PPP6R3: variants seen among roughly 807,000 people sequenced by gnomAD.
PPP6R3 encodes serine/threonine-protein phosphatase 6 regulatory subunit 3.
PPP6R3 carries 38 observed loss-of-function variants against 110.7 expected under a neutral mutation model. The observed-to-expected ratio is 0.34, with a 90% confidence interval of 0.26 to 0.45. The LOEUF (loss-of-function observed/expected upper bound fraction) is 0.45. Among genes scored for constraint, PPP6R3 ranks in the 20% least tolerant of loss-of-function variants. PPP6R3 has a pLI of 1.00. For synonymous variants in PPP6R3, 369 were observed against 373.5 expected (o/e 0.99, Z 0.14); for missense variants, 870 against 1,062.4 (o/e 0.82, Z 2.52).
At chr11:68,476,676 A>G (rs2098835240) in intron 1 of PPP6R3, among the ~76,000 whole-genome samples, 2 of 152,108 alleles carry the variant, frequency 1.3e-5, no homozygotes, top group African/African-American at 4.8e-5. Flanking sequence ...TTATGATTTC[A>G]AATCTTGGCA....
chr11:68,488,397 C>T (rs1162197727), intron 1 of PPP6R3, among the ~76,000 whole-genome samples: 2 of 152,158 alleles, frequency 1.3e-5, no homozygotes, highest in African/African-American at 4.8e-5. Flanking sequence ...TGGTCTTGAG[C>T]TCCTGGGCTC....
Position 68,603,473 on chromosome 11 carries a change from G to A in PPP6R3, c.2431G>A (p.Glu811Lys), listed in dbSNP as rs929115292. ...TLSLTVDAKTETAVFKSEEGK... is the reference protein window; with the variant it reads ...TLSLTVDAKTKTAVFKSEEGK... ...CAGCCTCACTGTAGATGCCAAGACA[G>A]AGACTGCGGTCTTCAAAAGGTAACC... is the stretch of plus-strand genomic sequence containing the variant. The change falls in exon 22 of 24, where the codon GAG (glutamate) becomes AAG (lysine). Residue 811 changes from glutamate (E) to lysine (K), a missense_variant. Physicochemically the swap from Glu to Lys is moderately conservative, Grantham distance 56. Transcript: ENST00000393800. The A allele has an allele frequency of 3.0e-5, 48 of 1,614,074 alleles. No individual in the cohort carries two copies. Among genetic ancestry groups the A allele is most frequent in the Non-Finnish European group, 3.9e-5 (46 of 1,180,016 alleles).
Position 68,614,898 on chromosome 11 carries a change from T to C in PPP6R3, c.*1781T>C, listed in dbSNP as rs1427822980. ...GTAGATAATATGCTCTGGTCTCGCC[T>C]GGTGGTGAGTTTTGCCAGCCATGGC... On this transcript the variant is annotated 3_prime_UTR_variant, in exon 24 of 24. Transcript: ENST00000393800. The C allele has an allele frequency of 3.7e-6, 3 of 821,014 alleles. No individual in the cohort carries two copies. The South Asian group carries it at 4.3e-5, about 12-fold the overall frequency. The allele number at this position is 821,014 out of a possible 1,614,324, so 50.9% of individuals were successfully genotyped here. A position where few individuals can be genotyped will look rare whatever the true frequency, so the allele number is the denominator to read the frequency against.
intron 2 of PPP6R3, among the ~76,000 whole-genome samples, chr11:68,533,376 T>C (rs1300462492): frequency 2.0e-5 from 3 of 152,208 alleles, no homozygotes; most frequent in African/African-American, 7.2e-5. Flanking sequence ...CAAGGTGTTC[T>C]TATTTGAAAA....
intron 2 of PPP6R3, among the ~76,000 whole-genome samples, chr11:68,525,083 C>G (rs923690613): frequency 6.6e-6 from 1 of 152,192 alleles, no homozygotes. Context: ...CACTTTGGAG[C>G]TAGTCAGACC....
intron 1 of PPP6R3, among the ~76,000 whole-genome samples, chr11:68,507,819 G>A (rs1022934039): frequency 2.6e-5 from 4 of 152,106 alleles, no homozygotes; most frequent in African/African-American, 4.8e-5. Flanking sequence ...TATGATATGT[G>A]CTCTCAGGAG....
At chr11:68,604,211 A>G (rs1938088588) in intron 22 of PPP6R3, among the ~76,000 whole-genome samples, 1 of 152,250 alleles carries the variant, frequency 6.6e-6, no homozygotes, top group African/African-American at 2.4e-5. Context: ...AACTTAAGTT[A>G]AAAGCTAGCA....
At chr11:68,611,847 T>C (rs1330769801) in intron 23 of PPP6R3, among the ~76,000 whole-genome samples, 2 of 152,196 alleles carry the variant, frequency 1.3e-5, no homozygotes, top group Admixed American at 6.5e-5. Context: ...CTCACCCGTC[T>C]TTCCTGTGTG....
intron 1 of PPP6R3, among the ~76,000 whole-genome samples, chr11:68,474,190 A>C (rs181120242): frequency 2.6e-5 from 4 of 152,168 alleles, no homozygotes; most frequent in African/African-American, 9.6e-5. Context: ...GACTACAAGC[A>C]CACACCACCA....
chr11:68,609,344 G>C (rs1000247162), intron 22 of PPP6R3: 1 of 641,796 alleles, frequency 1.6e-6, no homozygotes, highest in African/African-American at 1.8e-5. Context: ...ATCCGATGCA[G>C]TCAACACGGT....
intron 1 of PPP6R3, among the ~76,000 whole-genome samples, chr11:68,472,440 G>A (rs1041237827): frequency 9.9e-5 from 15 of 152,184 alleles, no homozygotes; most frequent in African/African-American, 3.6e-4. Flanking sequence ...CCCATGTAGA[G>A]AATTGCAGGG....
intron 1 of PPP6R3, among the ~76,000 whole-genome samples, chr11:68,492,043 A>G (rs2098987552): frequency 1.3e-5 from 2 of 152,144 alleles, no homozygotes; most frequent in East Asian, 1.9e-4. Context: ...GAATTCGACT[A>G]TTCTAAGTAC....
At chr11:68,512,844 A>T (rs933888303) in intron 1 of PPP6R3, among the ~76,000 whole-genome samples, 1 of 152,226 alleles carries the variant, frequency 6.6e-6, no homozygotes, top group Non-Finnish European at 1.5e-5. Context: ...TTGTGCTGGC[A>T]TTGTACAAGT....
At chr11:68,468,384 CTG>C (rs1412370985) in intron 1 of PPP6R3, among the ~76,000 whole-genome samples, 3 of 152,224 alleles carry the variant, frequency 2.0e-5, no homozygotes, top group Non-Finnish European at 2.9e-5. Flanking sequence ...CAGGTCTCAT[CTG>C]TCTCTTTTGT....
At chr11:68,463,453 C>T (rs1247168835) in intron 1 of PPP6R3, among the ~76,000 whole-genome samples, 2 of 150,968 alleles carry the variant, frequency 1.3e-5, no homozygotes, top group South Asian at 2.1e-4. Context: ...GTGTCACGAT[C>T]GGTATTTTAT....
Position 68,490,033 on chromosome 11 carries a change from A to G in PPP6R3, c.-158+29206A>G, listed in dbSNP as rs181348263. Among the ~76,000 whole-genome samples, 12 of 152,036 alleles carry G rather than the reference A, an allele frequency of 7.9e-5. No homozygotes were observed. In the East Asian group the frequency reaches 1.7e-3, roughly 22 times the overall value. ...TTTTAATTAAGAATAAGAAAAATCA[A>G]TTTTTTTTGAATCTTCACTTAATTC... On this transcript the variant is annotated intron_variant, in intron 1 of 23. Transcript: ENST00000393800.
chr11:68,584,446 C>G (rs1355671970), intron 15 of PPP6R3, among the ~76,000 whole-genome samples: 1 of 152,146 alleles, frequency 6.6e-6, no homozygotes, highest in Non-Finnish European at 1.5e-5. Context: ...TTGGTCCACC[C>G]CTAGAATGAA....
intron 17 of PPP6R3, 90 bp from the exon 18 acceptor site, chr11:68,591,486 A>G: frequency 7.7e-7 from 1 of 1,297,778 alleles, no homozygotes; most frequent in Non-Finnish European, 1.0e-6. Context: ...TAAAGCAGTG[A>G]AAAAATGCAA....
intron 10 of PPP6R3, among the ~76,000 whole-genome samples, chr11:68,567,452 C>CTGCTG (rs1267935008): frequency 1.3e-5 from 2 of 152,226 alleles, no homozygotes; most frequent in Non-Finnish European, 2.9e-5. Context: ...TGGACAATGA[C>CTGCTG]TGCTGGGTGC....
Sources: gnomAD v4.1 joint callset for allele counts (sites outside exome capture counted in the v4.1 genomes callset) on GRCh38, gnomAD v4.1.1 for gene constraint, MANE v1.5 for transcripts, NCBI Gene and HGNC (gene_info 2026-07-23, HGNC 2026-07-21) for gene names.